ZNF730: variants seen among roughly 807,000 people sequenced by gnomAD.
The protein encoded by ZNF730 is zinc finger protein 730.
Under a neutral mutation model 12.6 loss-of-function variants are expected in ZNF730, and 12 were observed. That is an observed-to-expected ratio of 0.95 (90% CI 0.61 to 1.54). The LOEUF (loss-of-function observed/expected upper bound fraction) is 1.54. ZNF730 is among the 40% of genes most tolerant of loss of function. The pLI, the probability that ZNF730 is intolerant of heterozygous loss-of-function variation, is 0.00. For missense variants in ZNF730, 643 were observed against 583.5 expected, an observed-to-expected ratio of 1.10 and a Z score of -1.05; for synonymous variants, 194 against 195.8, an observed-to-expected ratio of 0.99 and a Z score of 0.08.
At chr19:23,076,230 T>C (rs1232633404) in intron 1 of ZNF730, among the ~76,000 whole-genome samples, 1 of 152,242 alleles carries the variant, frequency 6.6e-6, no homozygotes, top group African/African-American at 2.4e-5. Context: ...ATTTTAATTG[T>C]TAATCATGAT....
intron 1 of ZNF730, 53 bp downstream of exon 1, chr19:23,117,229 G>A: frequency 1.2e-6 from 2 of 1,613,020 alleles, no homozygotes; most frequent in East Asian, 2.2e-5. Context: ...GGTTGGAACC[G>A]GTGGGAAGCG....
At chr19:23,131,581 T>C (rs1970743181) in intron 1 of ZNF730, among the ~76,000 whole-genome samples, 1 of 152,230 alleles carries the variant, frequency 6.6e-6, no homozygotes, top group East Asian at 1.9e-4. Context: ...AAGGTGGAGA[T>C]TGATTGTCTT....
chr19:23,137,605 C>G (rs983445186), intron 3 of ZNF730, among the ~76,000 whole-genome samples: 4 of 152,196 alleles, frequency 2.6e-5, no homozygotes, highest in African/African-American at 9.7e-5. Context: ...ACCTTCAGTG[C>G]TATGTTTAAG....
chr19:23,136,091 T>C (rs969212948), intron 3 of ZNF730, 48 bp downstream of exon 3: 3 of 1,326,042 alleles, frequency 2.3e-6, no homozygotes, highest in Non-Finnish European at 9.9e-7. Flanking sequence ...AGATCTATAG[T>C]TTAAAAAAAG....
chr19:23,083,787 TCA>T (rs1459216978), intron 1 of ZNF730, among the ~76,000 whole-genome samples: 2 of 152,162 alleles, frequency 1.3e-5, no homozygotes, highest in African/African-American at 2.4e-5. Context: ...TTTTAGAATT[TCA>T]CAGTTTTTAA....
chr19:23,137,516 C>T (rs1273915966), intron 3 of ZNF730, among the ~76,000 whole-genome samples: 1 of 152,180 alleles, frequency 6.6e-6, no homozygotes, highest in Non-Finnish European at 1.5e-5. Context: ...AAGTCAAATG[C>T]TCCAGAACCA....
At chr19:23,133,639 G>C (rs1012033909) in intron 1 of ZNF730, among the ~76,000 whole-genome samples, 4 of 152,210 alleles carry the variant, frequency 2.6e-5, no homozygotes, top group African/African-American at 9.7e-5. Flanking sequence ...ACCGCACCAA[G>C]ATCCAGAAAC....
intron 1 of ZNF730, chr19:23,095,601 A>G (rs960312939): frequency 7.6e-6 from 3 of 395,342 alleles, no homozygotes; most frequent in Non-Finnish European, 1.3e-5. Flanking sequence ...AGATGACATC[A>G]TTCTTTAGTT....
intron 1 of ZNF730, among the ~76,000 whole-genome samples, chr19:23,082,860 C>A (rs1969987923): frequency 6.6e-6 from 1 of 152,062 alleles, no homozygotes; most frequent in African/African-American, 2.4e-5. Context: ...TGCCACCATG[C>A]CCAACTAATT....
upstream of ZNF730, chr19:23,116,999 CAG>C: frequency 2.4e-6 from 3 of 1,229,660 alleles, no homozygotes; most frequent in East Asian, 7.5e-5. Context: ...CTGGAGCAGA[CAG>C]GGCGGCTTCC....
intron 1 of ZNF730, among the ~76,000 whole-genome samples, chr19:23,133,428 G>C (rs1432274348): frequency 6.6e-6 from 1 of 152,102 alleles, no homozygotes; most frequent in Non-Finnish European, 1.5e-5. Context: ...TGCAACCTCT[G>C]TTTCCCAGGT....
In ZNF730 at chr19:23,136,036, ACCC is replaced by A; in HGVS notation, c.222_224del (p.Pro75del). ...TGAAGACACATGATATGGTAGCCAAACCCCCAGGTAGGTGACAGTAAATACAAT... is the reference window on the plus strand; with the variant it reads ...TGAAGACACATGATATGGTAGCCAAACCAGGTAGGTGACAGTAAATACAAT... On this transcript the variant is annotated inframe_deletion, in exon 3 of 4. Transcript: ENST00000597761. The A allele has an allele frequency of 6.3e-7, 1 of 1,597,156 alleles. No homozygotes were observed. The highest frequency in any genetic ancestry group is 1.1e-5 in the South Asian group (1 of 88,506).
upstream of ZNF730, among the ~76,000 whole-genome samples, chr19:23,114,128 CT>C (rs939638612): frequency 1.1e-4 from 17 of 152,080 alleles, no homozygotes. Flanking sequence ...TATTTCACTT[CT>C]ATTTTCTGAT....
At chr19:23,096,054 G>A (rs1177483214) in intron 1 of ZNF730, among the ~76,000 whole-genome samples, 3 of 152,124 alleles carry the variant, frequency 2.0e-5, no homozygotes, top group Admixed American at 2.0e-4. Context: ...CCACTGGGGT[G>A]ATTTTGACAT....
chr19:23,128,697 A>G (rs1970703191), intron 1 of ZNF730, among the ~76,000 whole-genome samples: 2 of 152,386 alleles, frequency 1.3e-5, no homozygotes, highest in South Asian at 4.1e-4. Flanking sequence ...AACAGAGCAT[A>G]AAAGTTTGGA....
Position 23,146,061 on chromosome 19 carries a change from C to T in ZNF730, c.1017C>T (p.Pro339=). 2 of 1,612,014 alleles carry T rather than the reference C, an allele frequency of 1.2e-6. No homozygotes were observed. Among genetic ancestry groups the T allele is most frequent in the Non-Finnish European group, 1.7e-6 (2 of 1,179,474 alleles). Residue 339 remains proline, a synonymous_variant, in exon 4 of 4, where the codon CCC becomes CCT. Coordinates refer to ENST00000597761, the MANE Select transcript of ZNF730 (RefSeq NM_001277403.2). ...KHKRIHNGEK[P]YKCEECGKAF... is the part of the protein sequence containing the mutation. The stretch of plus-strand genomic sequence containing the variant: ...AAAGAATTCATAATGGAGAAAAACC[C>T]TACAAATGTGAAGAATGTGGCAAAG...
At chr19:23,110,121 C>G (rs1326638872) in intron 1 of ZNF730, among the ~76,000 whole-genome samples, 1 of 134,604 alleles carries the variant, frequency 7.4e-6, no homozygotes, top group Non-Finnish European at 1.6e-5. Context: ...CATGCACCAC[C>G]ATGCCTGGCT....
intron 1 of ZNF730, among the ~76,000 whole-genome samples, chr19:23,079,682 G>T (rs76412737): frequency 0.04 from 6,035 of 152,244 alleles, 133 homozygotes; most frequent in East Asian, 0.11. Context: ...AGTATTAAGT[G>T]CAGTCCTGTT....
At chr19:23,140,478 G>A (rs1970899528) in intron 3 of ZNF730, among the ~76,000 whole-genome samples, 1 of 151,574 alleles carries the variant, frequency 6.6e-6, no homozygotes, top group African/African-American at 2.4e-5. Context: ...GAGTGTAGTG[G>A]CGTGCACCTG....
Sources: gnomAD v4.1 joint callset for allele counts (sites outside exome capture counted in the v4.1 genomes callset) on GRCh38, gnomAD v4.1.1 for gene constraint, MANE v1.5 for transcripts, NCBI Gene and HGNC (gene_info 2026-07-23, HGNC 2026-07-21) for gene names.